The following HBS1L variants were observed in gnomAD, a reference collection of about 807,000 sequenced individuals.
The protein encoded by HBS1L is HBS1-like protein.
Under a neutral mutation model 88.9 loss-of-function variants are expected in HBS1L, and 55 were observed. That is an observed-to-expected ratio of 0.62 (90% CI 0.50 to 0.77). The LOEUF (loss-of-function observed/expected upper bound fraction) is 0.77. HBS1L is among the 30% of genes least tolerant of loss of function. The pLI is 0.00. For synonymous variants in HBS1L, 267 were observed against 288.5 expected, an observed-to-expected ratio of 0.93 and a Z score of 0.76; for missense variants, 741 against 829.3, an observed-to-expected ratio of 0.89 and a Z score of 1.31.
intron 5 of HBS1L, among the ~76,000 whole-genome samples, chr6:135,001,064 A>G (rs1215321388): frequency 6.6e-6 from 1 of 152,220 alleles, no homozygotes; most frequent in African/African-American, 2.4e-5. Context: ...CTTCTCCCAT[A>G]GAGCCACATC....
At chr6:134,974,815 G>A (rs1774596409) in intron 15 of HBS1L, among the ~76,000 whole-genome samples, 1 of 152,032 alleles carries the variant, frequency 6.6e-6, no homozygotes, top group Non-Finnish European at 1.5e-5. Context: ...TACTAAATGG[G>A]GAAAAGTTGA....
intron 1 of HBS1L, among the ~76,000 whole-genome samples, chr6:135,051,586 G>A (rs991774508): frequency 6.6e-6 from 1 of 152,092 alleles, no homozygotes; most frequent in Non-Finnish European, 1.5e-5. Context: ...ACCACTCTGG[G>A]TAAAGCAGTA....
intron 4 of HBS1L, among the ~76,000 whole-genome samples, chr6:135,025,219 G>A (rs1439342466): frequency 1.3e-5 from 2 of 152,182 alleles, no homozygotes; most frequent in Non-Finnish European, 2.9e-5. Flanking sequence ...GTAGGAAACA[G>A]TCATAACACC....
chr6:135,038,505 T>C (rs1258617759), intron 4 of HBS1L, among the ~76,000 whole-genome samples: 1 of 152,212 alleles, frequency 6.6e-6, no homozygotes, highest in Non-Finnish European at 1.5e-5. Context: ...TACAGACTCA[T>C]TCCCATCACA....
At chr6:135,050,414 C>T (rs1777045299) in intron 2 of HBS1L, among the ~76,000 whole-genome samples, 168 bp downstream of exon 2, 1 of 152,148 alleles carries the variant, frequency 6.6e-6, no homozygotes, top group South Asian at 2.1e-4. Context: ...AATTTAAATT[C>T]TACTCACAGG....
At chr6:135,016,534 G>A (rs1156588814) in intron 4 of HBS1L, among the ~76,000 whole-genome samples, 1 of 152,038 alleles carries the variant, frequency 6.6e-6, no homozygotes, top group Admixed American at 6.6e-5. Flanking sequence ...GTATATTCAG[G>A]CTCTAAAGCA....
rs370235823 is a variant in HBS1L at position 134,966,369 on chromosome 6, C to A, written c.2003G>T (p.Arg668Leu). 2.5e-6 allele frequency: 4 copies of A among 1,612,984 alleles called. No homozygotes were observed. The highest frequency in any genetic ancestry group is 1.3e-5 in the African/African-American group (1 of 74,870). ...AGCAGCTATTGTAGAACCACCGTAA[C>A]GTAGCATGAACCTCCCCAGCTCTTT... ...DFKELGRFML[R>L]YGGSTIAAGV... The change falls in exon 17 of 18, where the codon CGT becomes CTT. Residue 668 changes from arginine (R) to leucine (L), a missense_variant. By Grantham distance (102) the Arg-to-Leu change is moderately radical. Around this residue, in one of 3 missense-constraint regions of HBS1L, gnomAD observed 181 missense variants for 212.7 expected, o/e 0.85. Coordinates refer to ENST00000367837, the MANE Select transcript of HBS1L (RefSeq NM_006620.4).
At chr6:134,966,546 CAAAT>C in intron 16 of HBS1L, 73 bp from the exon 17 acceptor site, 1 of 1,009,214 alleles carries the variant, frequency 9.9e-7, no homozygotes, top group Non-Finnish European at 1.4e-6. Flanking sequence ...ACTTGAAAAA[CAAAT>C]ATTTCACATT....
At chr6:135,046,261 C>T (rs891444564) in intron 2 of HBS1L, among the ~76,000 whole-genome samples, 5 of 152,046 alleles carry the variant, frequency 3.3e-5, no homozygotes, top group African/African-American at 4.8e-5. Context: ...ATTTTCTTTA[C>T]CCACAGTACT....
intron 16 of HBS1L, among the ~76,000 whole-genome samples, chr6:134,968,312 G>A (rs549724972): frequency 6.6e-6 from 1 of 151,350 alleles, no homozygotes; most frequent in East Asian, 1.9e-4. Context: ...ACAGTGGTGC[G>A]ATCACCGCTC....
At chr6:135,021,244 A>G (rs1776062640) in intron 4 of HBS1L, among the ~76,000 whole-genome samples, 1 of 152,134 alleles carries the variant, frequency 6.6e-6, no homozygotes, top group Non-Finnish European at 1.5e-5. Context: ...GCCTACAATT[A>G]CTGCTTAAAT....
chr6:135,025,977 T>C (rs180956996), intron 4 of HBS1L, among the ~76,000 whole-genome samples: 1 of 152,186 alleles, frequency 6.6e-6, no homozygotes, highest in East Asian at 1.9e-4. Context: ...GGTGGCAGAA[T>C]CGAGGTAGCT....
chr6:134,978,862 T>C, intron 14 of HBS1L, 75 bp from the exon 15 acceptor site: 3 of 873,288 alleles, frequency 3.4e-6, no homozygotes, highest in Non-Finnish European at 5.5e-6. Flanking sequence ...CTCAAAAACA[T>C]TTACAAGGAA....
chr6:134,982,337 G>T, intron 13 of HBS1L, 121 bp downstream of exon 13: 1 of 624,424 alleles, frequency 1.6e-6, no homozygotes, highest in Non-Finnish European at 2.9e-6. Context: ...GTATCATTTT[G>T]ACAGTCAGTT....
intron 2 of HBS1L, among the ~76,000 whole-genome samples, chr6:135,048,851 A>C (rs1038979259): frequency 2.0e-5 from 3 of 152,254 alleles, no homozygotes; most frequent in Admixed American, 1.3e-4. Context: ...ACTTGACCAG[A>C]AGAGCAGGCC....
intron 15 of HBS1L, among the ~76,000 whole-genome samples, chr6:134,974,684 G>C (rs184649640): frequency 7.3e-5 from 11 of 150,040 alleles, no homozygotes; most frequent in Non-Finnish European, 1.0e-4. Context: ...CAATAGATGC[G>C]GAAAAAGCAC....
intron 15 of HBS1L, among the ~76,000 whole-genome samples, chr6:134,973,808 C>G (rs1047020072): frequency 6.6e-6 from 1 of 151,382 alleles, no homozygotes; most frequent in African/African-American, 2.4e-5. Flanking sequence ...TGCACTCTAG[C>G]CTGGATGCCA....
At chr6:134,965,397 T>A (rs1285679805) in intron 17 of HBS1L, 107 bp from the exon 18 acceptor site, 1 of 774,514 alleles carries the variant, frequency 1.3e-6, no homozygotes, top group Admixed American at 2.8e-5. Context: ...CAAGAGAAAA[T>A]CTTTTTCTTT....
intron 11 of HBS1L, among the ~76,000 whole-genome samples, chr6:134,985,725 CA>C (rs1326773572): frequency 2.0e-5 from 3 of 149,122 alleles, no homozygotes; most frequent in East Asian, 3.9e-4. Context: ...TTCCAAAATC[CA>C]AAAAAAAAAT....
Sources: gnomAD v4.1 joint callset for allele counts (sites outside exome capture counted in the v4.1 genomes callset) on GRCh38, gnomAD v4.1.1 for gene constraint, gnomAD v4.1.1 regional missense constraint, MANE v1.5 for transcripts, NCBI Gene and HGNC (gene_info 2026-07-23, HGNC 2026-07-21) for gene names.